PIGL: variants seen among roughly 807,000 people sequenced by gnomAD.
PIGL encodes the protein phosphatidylinositol glycan anchor biosynthesis class L, also known as N-acetylglucosaminyl-phosphatidylinositol de-N-acetylase.
Under a neutral mutation model 31.1 loss-of-function variants are expected in PIGL, and 22 were observed. That is an observed-to-expected ratio of 0.71 (90% CI 0.51 to 1.01). PIGL has a LOEUF of 1.01. PIGL is among the 50% of genes least tolerant of loss of function. The pLI is 0.00. For missense variants in PIGL, 302 were observed against 315.9 expected, an observed-to-expected ratio of 0.96 and a Z score of 0.33; for synonymous variants, 131 against 117.4, an observed-to-expected ratio of 1.12 and a Z score of -0.75.
chr17:16,293,284 G>A (rs1187541190), intron 2 of PIGL, among the ~76,000 whole-genome samples: 1 of 152,220 alleles, frequency 6.6e-6, no homozygotes, highest in East Asian at 1.9e-4. Context: ...CAGCACTTTG[G>A]AAGGCCAAGG....
intron 3 of PIGL, 76 bp from the exon 4 acceptor site, chr17:16,313,471 C>T (rs745887301): frequency 2.3e-5 from 25 of 1,070,736 alleles, no homozygotes; most frequent in Non-Finnish European, 3.5e-5. Flanking sequence ...CTCTCCTTCC[C>T]AAGGGAAGGA....
intron 1 of PIGL, among the ~76,000 whole-genome samples, chr17:16,228,477 C>T (rs1472016614): frequency 3.9e-5 from 6 of 152,146 alleles, no homozygotes; most frequent in African/African-American, 7.2e-5. Context: ...CTCCGCCTCC[C>T]GGGTTTACTT....
At chr17:16,323,293 G>A (rs1406548561) in intron 6 of PIGL, among the ~76,000 whole-genome samples, 1 of 151,904 alleles carries the variant, frequency 6.6e-6, no homozygotes, top group African/African-American at 2.4e-5. Flanking sequence ...GAGTGCAATG[G>A]TGCGATCTTG....
In PIGL at chr17:16,249,401, T is replaced by C. The variant is rs1415911444; in HGVS notation, c.335+15331T>C. 2.6e-5 allele frequency among the ~76,000 whole-genome samples: 4 copies of C among 152,224 alleles called. No homozygotes were observed. The East Asian group carries it at 7.7e-4, about 29-fold the overall frequency. On this transcript the variant is annotated intron_variant, in intron 2 of 6. Coordinates refer to ENST00000225609, the MANE Select transcript of PIGL (RefSeq NM_004278.4). Reference sequence around the variant, plus strand: ...GGCTGAGACACAAGAATCGCTTGAATCTGGTAGGAAACAAGTTGCAGTGAG... The same window carrying C: ...GGCTGAGACACAAGAATCGCTTGAACCTGGTAGGAAACAAGTTGCAGTGAG...
Position 16,234,078 on chromosome 17 carries a change from A to G in PIGL, c.335+8A>G. On this transcript the variant is annotated splice_region_variant and intron_variant, in intron 2 of 6. Transcript: ENST00000225609. ...AATGATTATTGACAACAGGTAATAT[A>G]TCTTTTAACAATGTAGAAATTTATT... 2 of 1,434,100 alleles carry G rather than the reference A, an allele frequency of 1.4e-6. No homozygotes were observed. The highest frequency in any genetic ancestry group is 2.3e-5 in the East Asian group (1 of 44,028). 88.8% of individuals were successfully genotyped at this position (1,434,100 alleles called of 1,614,324 possible).
chr17:16,220,480 A>AT (rs745948237), intron 1 of PIGL, among the ~76,000 whole-genome samples: 689 of 57,188 alleles, frequency 0.012, 76 homozygotes, highest in African/African-American at 0.018. Context: ...TTAAATTGTT[A>AT]TTTTTTTTTT....
intron 1 of PIGL, among the ~76,000 whole-genome samples, chr17:16,233,048 A>G (rs2142674259): frequency 6.6e-6 from 1 of 151,568 alleles, no homozygotes; most frequent in Middle Eastern, 3.4e-3. Flanking sequence ...CTGGAGGCAG[A>G]GGTTGCAGTG....
At chr17:16,267,171 C>T (rs1372069418) in intron 2 of PIGL, among the ~76,000 whole-genome samples, 2 of 152,124 alleles carry the variant, frequency 1.3e-5, no homozygotes, top group South Asian at 2.1e-4. Context: ...GTATCTTTAT[C>T]ATATACTGTA....
intron 2 of PIGL, among the ~76,000 whole-genome samples, chr17:16,278,629 T>C (rs1483532642): frequency 6.6e-6 from 1 of 152,090 alleles, no homozygotes; most frequent in African/African-American, 2.4e-5. Context: ...ACAAGATTAA[T>C]TTTTCACAAA....
intron 6 of PIGL, among the ~76,000 whole-genome samples, chr17:16,318,193 A>G (rs1248793868): frequency 1.3e-5 from 2 of 152,212 alleles, no homozygotes; most frequent in Non-Finnish European, 2.9e-5. Context: ...ATCAAAAAGA[A>G]AATAAAAATA....
At chr17:16,229,664 G>T (rs1454546901) in intron 1 of PIGL, among the ~76,000 whole-genome samples, 1 of 151,526 alleles carries the variant, frequency 6.6e-6, no homozygotes, top group Non-Finnish European at 1.5e-5. Flanking sequence ...CCATTTTTTG[G>T]ACTATAGCCA....
intron 2 of PIGL, among the ~76,000 whole-genome samples, chr17:16,296,370 G>A (rs2092982079): frequency 6.6e-6 from 1 of 152,036 alleles, no homozygotes; most frequent in Non-Finnish European, 1.5e-5. Flanking sequence ...CCAGCACTTT[G>A]GGAGACTGAG....
At chr17:16,253,732 G>C (rs988499777) in intron 2 of PIGL, among the ~76,000 whole-genome samples, 2 of 151,990 alleles carry the variant, frequency 1.3e-5, no homozygotes, top group East Asian at 3.9e-4. Flanking sequence ...TCAATAGTTT[G>C]AGCCCAGGAA....
rs983966086 is a variant in PIGL at position 16,239,070 on chromosome 17, G to C, written c.335+5000G>C. Among the ~76,000 whole-genome samples the C allele has an allele frequency of 3.3e-5, 5 of 151,724 alleles. No homozygotes were observed. The South Asian group carries it at 8.3e-4, about 25-fold the overall frequency. On this transcript the variant is annotated intron_variant, in intron 2 of 6. Coordinates refer to ENST00000225609, the MANE Select transcript of PIGL (RefSeq NM_004278.4). ...AAAATTTAGCTAGGTGTGGTGGCAC[G>C]CACCCTGTAGTCCTGGATACTCAGG... is the stretch of plus-strand genomic sequence containing the variant.
intron 1 of PIGL, among the ~76,000 whole-genome samples, chr17:16,223,140 T>TA (rs1308219381): frequency 5.9e-5 from 9 of 152,230 alleles, no homozygotes; most frequent in African/African-American, 2.2e-4. Context: ...AGCATTGCTG[T>TA]AAAAAATTTT....
intron 3 of PIGL, among the ~76,000 whole-genome samples, chr17:16,302,512 A>G (rs2093009068): frequency 1.3e-5 from 2 of 152,050 alleles, no homozygotes; most frequent in Non-Finnish European, 2.9e-5. Flanking sequence ...CCCAGTCCCT[A>G]AATACTCTCT....
chr17:16,251,695 A>G (rs886645874), intron 2 of PIGL, among the ~76,000 whole-genome samples: 6 of 151,210 alleles, frequency 4.0e-5, no homozygotes, highest in Non-Finnish European at 8.8e-5. Flanking sequence ...GTTAAAATGC[A>G]TGCTGCACAG....
chr17:16,263,093 TGG>T lies in PIGL; in HGVS notation c.335+29033_335+29034del, dbSNP rs60411653. On this transcript the variant is annotated intron_variant, in intron 2 of 6. Transcript: ENST00000225609. Reference sequence around the variant, plus strand: ...GGGGTTTATTATAATATGGTTTATTTGGGGGGGGGGGATGAAAATGTTCTAGA... The same window carrying T: ...GGGGTTTATTATAATATGGTTTATTTGGGGGGGGGATGAAAATGTTCTAGA... Among the ~76,000 whole-genome samples the T allele has an allele frequency of 6.6e-3, 923 of 139,874 alleles. 5 individuals are homozygous for T. The highest frequency in any genetic ancestry group is 0.012 in the South Asian group (55 of 4,426). 91.8% of individuals were successfully genotyped at this position (139,874 alleles called of 152,430 possible).
At chr17:16,269,009 G>A (rs750188283) in intron 2 of PIGL, among the ~76,000 whole-genome samples, 9 of 151,550 alleles carry the variant, frequency 5.9e-5, no homozygotes, top group African/African-American at 1.5e-4. Context: ...TGATCTGCCC[G>A]CCTCAGCCTC....
Sources: gnomAD v4.1 joint callset for allele counts (sites outside exome capture counted in the v4.1 genomes callset) on GRCh38, gnomAD v4.1.1 for gene constraint, MANE v1.5 for transcripts, NCBI Gene and HGNC (gene_info 2026-07-23, HGNC 2026-07-21) for gene names.